The following SSR1 variants were observed in gnomAD, a reference collection of about 807,000 sequenced individuals.
The protein encoded by SSR1 is signal sequence receptor subunit 1.
SSR1 carries 13 observed loss-of-function variants against 36.1 expected under a neutral mutation model. The observed-to-expected ratio is 0.36, with a 90% CI of 0.23 to 0.57. The LOEUF is 0.57. SSR1 is among the 20% of genes least tolerant of loss of function. The probability of loss-of-function intolerance (pLI) is 0.81; values close to 1 mark genes in which losing one functional copy is unlikely to be tolerated. For missense variants in SSR1, 291 were observed against 338.5 expected (o/e 0.86, Z 1.10); for synonymous variants, 113 against 118.9 (o/e 0.95, Z 0.32).
intron 2 of SSR1, among the ~76,000 whole-genome samples, chr6:7,304,370 C>T (rs879845489): frequency 1.6e-4 from 24 of 152,198 alleles, no homozygotes; most frequent in Admixed American, 7.9e-4. Context: ...TCAGACAATA[C>T]GTAAATGAAT....
At chr6:7,305,346 T>C (rs747657214) in intron 2 of SSR1, among the ~76,000 whole-genome samples, 40 of 152,284 alleles carry the variant, frequency 2.6e-4, no homozygotes, top group Non-Finnish European at 4.9e-4. Context: ...TACAACAGGA[T>C]AACAACGGAA....
chr6:7,310,679 G>A (rs759145518), intron 1 of SSR1, among the ~76,000 whole-genome samples: 5 of 152,204 alleles, frequency 3.3e-5, no homozygotes, highest in Non-Finnish European at 7.3e-5. Context: ...AGAAGGCTGA[G>A]GAGGGTGAAT....
In SSR1 at chr6:7,304,740, G is replaced by A. The variant is rs372517398; in HGVS notation, c.193-1103C>T. ...TCTCCAGGCATCAATATGGATTAGA[G>A]ACAGTCACACCTTTGAAGTATCCAG... On this transcript the variant is annotated intron_variant, in intron 2 of 7. Transcript: ENST00000244763. Among the ~76,000 whole-genome samples the A allele has an allele frequency of 5.6e-4, 86 of 152,306 alleles. 1 individual carries two copies. The South Asian group carries it at 0.018, about 32-fold the overall frequency.
intron 6 of SSR1, among the ~76,000 whole-genome samples, chr6:7,296,609 CTG>C (rs1757799696): frequency 6.6e-6 from 1 of 151,048 alleles, no homozygotes. Flanking sequence ...TATTTTCCCA[CTG>C]AGAGAAATAG....
In SSR1 at chr6:7,289,823, G is replaced by C. The variant is rs375330919; in HGVS notation, c.*41C>G. The C allele has an allele frequency of 3.0e-5, 47 of 1,547,360 alleles. No individual in the cohort carries two copies. The highest frequency in any genetic ancestry group is 3.7e-5 in the Non-Finnish European group (43 of 1,149,808). Reference sequence around the variant, plus strand: ...TTCCCATCAGGCCGAAAAATATTAGGGCAGGTTAAGTAAAGACCGAATTGT... The same window carrying C: ...TTCCCATCAGGCCGAAAAATATTAGCGCAGGTTAAGTAAAGACCGAATTGT... On this transcript the variant is annotated 3_prime_UTR_variant, in exon 8 of 8. Transcript: ENST00000244763.
chr6:7,290,047 A>C, intron 7 of SSR1, 116 bp from the exon 8 acceptor site: 1 of 755,436 alleles, frequency 1.3e-6, no homozygotes, highest in East Asian at 3.2e-5. Flanking sequence ...CACATGGGTG[A>C]ACACCATCTA....
intron 7 of SSR1, among the ~76,000 whole-genome samples, chr6:7,293,491 T>C (rs533654663): frequency 6.8e-6 from 1 of 147,622 alleles, no homozygotes; most frequent in African/African-American, 2.5e-5. Flanking sequence ...CAGGCTGGAG[T>C]GCAGTGGCAC....
intron 7 of SSR1, among the ~76,000 whole-genome samples, chr6:7,293,093 G>A (rs772657856): frequency 2.0e-5 from 3 of 151,574 alleles, no homozygotes; most frequent in Admixed American, 6.6e-5. Context: ...CTGAAGTTCC[G>A]CTGTCAGCAC....
At chr6:7,295,056 G>C in intron 7 of SSR1, 1 of 1,492,840 alleles carries the variant, frequency 6.7e-7, no homozygotes, top group Non-Finnish European at 8.8e-7. Flanking sequence ...CAATTCTCTA[G>C]CAAAAACCAT....
At chr6:7,296,385 C>A (rs1002073990) in intron 6 of SSR1, among the ~76,000 whole-genome samples, 1 of 152,088 alleles carries the variant, frequency 6.6e-6, no homozygotes, top group East Asian at 1.9e-4. Context: ...AAAATTCCAA[C>A]CATTATGACA....
chr6:7,298,057 T>C, intron 5 of SSR1, 56 bp from the exon 6 acceptor site: 1 of 1,240,252 alleles, frequency 8.1e-7, no homozygotes, highest in Non-Finnish European at 1.2e-6. Flanking sequence ...ATACCACGTC[T>C]AATTACAACT....
At chr6:7,297,091 T>C in intron 6 of SSR1, 1 of 327,848 alleles carries the variant, frequency 3.1e-6, no homozygotes, top group Non-Finnish European at 6.1e-6. Flanking sequence ...TGTGGTGGCG[T>C]GCACCTGTAG....
chr6:7,295,909 A>AT lies in SSR1; in HGVS notation c.700-425dup, dbSNP rs1458678174. ...ATGTTATGTACCACTGGTGGACCACATAAGAGTATCTATTTATACAATGAC... is the reference window on the plus strand; with the variant it reads ...ATGTTATGTACCACTGGTGGACCACATTAAGAGTATCTATTTATACAATGAC... On this transcript the variant is annotated intron_variant, in intron 6 of 7. Coordinates refer to ENST00000244763, the MANE Select transcript of SSR1 (RefSeq NM_003144.5). Among the ~76,000 whole-genome samples, 9 of 152,360 alleles carry AT rather than the reference A, an allele frequency of 5.9e-5. No individual in the cohort carries two copies. The Middle Eastern group carries it at 0.01, about 173-fold the overall frequency.
At chr6:7,303,520 T>C (rs371738307) in intron 3 of SSR1, 30 bp downstream of exon 3, 2 of 1,504,140 alleles carry the variant, frequency 1.3e-6, no homozygotes, top group African/African-American at 1.4e-5. Context: ...AATGCCTACA[T>C]CTGAATTAAA....
In SSR1 at chr6:7,289,473, C is replaced by T. The variant is rs1581625355; in HGVS notation, c.*391G>A. On this transcript the variant is annotated 3_prime_UTR_variant, in exon 8 of 8. Transcript: ENST00000244763. ...TTCTTTAAAACTGTTCAAGGCAGGA[C>T]ATCAATAATCATAGTGGGTAAATAT... The T allele has an allele frequency of 1.5e-5, 3 of 195,204 alleles. No homozygotes were observed. The South Asian group carries it at 3.5e-4, about 23-fold the overall frequency. The allele number at this position is 195,204 out of a possible 1,614,324, so 12.1% of individuals were successfully genotyped here.
intron 2 of SSR1, among the ~76,000 whole-genome samples, chr6:7,306,682 C>A (rs1030439968): frequency 6.6e-6 from 1 of 150,614 alleles, no homozygotes; most frequent in Non-Finnish European, 1.5e-5. Context: ...TTCGGGAGGC[C>A]GAGGCGGGCG....
intron 4 of SSR1, among the ~76,000 whole-genome samples, chr6:7,299,528 CT>C (rs1178761779): frequency 1.3e-5 from 2 of 151,902 alleles, no homozygotes; most frequent in East Asian, 1.9e-4. Flanking sequence ...GAGAAACCCC[CT>C]CTCTACTAAA....
rs748643158 is a variant in SSR1 at position 7,287,924 on chromosome 6, TAAAAA to T, written c.*1935_*1939del. The T allele has an allele frequency of 2.8e-5, 4 of 142,406 alleles. No individual in the cohort carries two copies. The highest frequency in any genetic ancestry group is 1.0e-4 in the African/African-American group (4 of 38,820). The allele number at this position is 142,406 out of a possible 1,614,324, so 8.8% of individuals were successfully genotyped here. A position where few individuals can be genotyped will look rare whatever the true frequency, so the allele number is the denominator to read the frequency against. On this transcript the variant is annotated 3_prime_UTR_variant, in exon 8 of 8. Transcript: ENST00000244763. The stretch of plus-strand genomic sequence containing the variant: ...GAGTTCAACTGTTCTCAATCTATGC[TAAAAA>T]AAAAAAAATGACAAATAATAAATTC...
At chr6:7,310,165 C>T in intron 1 of SSR1, 136 bp from the exon 2 acceptor site, 1 of 614,708 alleles carries the variant, frequency 1.6e-6, no homozygotes. Context: ...ATGCCAATTA[C>T]AATGCACCGA....
Sources: allele counts gnomAD v4.1 joint callset (sites outside exome capture counted in the v4.1 genomes callset), GRCh38; gene constraint gnomAD v4.1.1; transcripts MANE v1.5; gene names NCBI Gene and HGNC (gene_info 2026-07-23, HGNC 2026-07-21).